The following NFAT5 variants were observed in gnomAD, a reference collection of about 807,000 sequenced individuals.
The protein encoded by NFAT5 is nuclear factor of activated T-cells 5.
In NFAT5, 31 loss-of-function variants were observed where a neutral mutation model predicts 166.5. That is an observed-to-expected ratio of 0.19 (90% CI 0.14 to 0.25). NFAT5 has a LOEUF of 0.25. NFAT5 is among the 10% of genes least tolerant of loss of function. The pLI is 1.00. For missense variants in NFAT5, 1,449 were observed against 1,821.8 expected, an observed-to-expected ratio of 0.80 and a Z score of 3.72; for synonymous variants, 612 against 639.7, an observed-to-expected ratio of 0.96 and a Z score of 0.65.
Position 69,688,202 on chromosome 16 carries a change from C to CAAAAAAAAAAA in NFAT5, c.1775-2724_1775-2714dup, listed in dbSNP as rs1188158260. On this transcript the variant is annotated intron_variant, in intron 11 of 14. Transcript: ENST00000349945. ...TGGGCGACAGAGCGAGACTCCGTCT[C>CAAAAAAAAAAA]AAAAAAAAAAAAAAAAAAAAAAAAC... Among the ~76,000 whole-genome samples, 228 of 49,464 alleles carry CAAAAAAAAAAA rather than the reference C, an allele frequency of 4.6e-3. 9 individuals carry two copies. The highest frequency in any genetic ancestry group is 0.011 in the East Asian group (11 of 1,004). 32.5% of individuals were successfully genotyped at this position (49,464 alleles called of 152,430 possible). A position where few individuals can be genotyped will look rare whatever the true frequency, so the allele number is the denominator to read the frequency against.
At chr16:69,606,031 G>A (rs1324142004) in intron 2 of NFAT5, among the ~76,000 whole-genome samples, 1 of 152,064 alleles carries the variant, frequency 6.6e-6, no homozygotes, top group Non-Finnish European at 1.5e-5. Context: ...TCTTTTAATA[G>A]GAATGTTTTG....
intron 2 of NFAT5, among the ~76,000 whole-genome samples, chr16:69,584,166 C>G (rs972304438): frequency 3.3e-5 from 5 of 152,070 alleles, no homozygotes; most frequent in Non-Finnish European, 7.4e-5. Context: ...GTGGAAGTTG[C>G]AGGGAGCTGA....
At chr16:69,610,046 T>C (rs1481065100) in intron 2 of NFAT5, among the ~76,000 whole-genome samples, 1 of 151,792 alleles carries the variant, frequency 6.6e-6, no homozygotes, top group Non-Finnish European at 1.5e-5. Context: ...TCTTGTTGAG[T>C]TCTTCAGTGT....
At position 69,702,738 on chromosome 16, in the gene NFAT5, TAG is replaced by T. The variant is rs1393339670; in HGVS notation, c.*6390_*6391del. 21 of 152,788 alleles carry T rather than the reference TAG, an allele frequency of 1.4e-4. No individual in the cohort carries two copies. Among genetic ancestry groups the T allele is most frequent in the African/African-American group, 4.1e-4 (17 of 41,596 alleles). The allele number at this position is 152,788 out of a possible 1,614,324, so 9.5% of individuals were successfully genotyped here. A position where few individuals can be genotyped will look rare whatever the true frequency, so the allele number is the denominator to read the frequency against. On this transcript the variant is annotated 3_prime_UTR_variant, in exon 15 of 15. Transcript: ENST00000349945. ...ACTGGGCTAAGACTCTGTTGAGATATAGAGTTTTTCTTCCACTCAGACTGATA... is the reference window on the plus strand; with the variant it reads ...ACTGGGCTAAGACTCTGTTGAGATATAGTTTTTCTTCCACTCAGACTGATA...
chr16:69,581,695 T>C (rs918298647), intron 2 of NFAT5, among the ~76,000 whole-genome samples: 2 of 152,242 alleles, frequency 1.3e-5, no homozygotes, highest in Admixed American at 6.5e-5. Flanking sequence ...ACTAATGACA[T>C]TGAGCATCCT....
intron 2 of NFAT5, among the ~76,000 whole-genome samples, chr16:69,614,788 A>G (rs1338532880): frequency 6.6e-6 from 1 of 151,780 alleles, no homozygotes; most frequent in African/African-American, 2.4e-5. Flanking sequence ...GTTTAGAATT[A>G]TATGTCCATT....
intron 3 of NFAT5, among the ~76,000 whole-genome samples, chr16:69,629,890 TC>T (rs1271803942): frequency 6.7e-6 from 1 of 150,296 alleles, no homozygotes; most frequent in Admixed American, 6.7e-5. Flanking sequence ...CATTTCAGTC[TC>T]CTGAGTAGCT....
chr16:69,619,542 GGATT>G (rs2034109528), intron 2 of NFAT5, among the ~76,000 whole-genome samples: 1 of 152,012 alleles, frequency 6.6e-6, no homozygotes, highest in African/African-American at 2.4e-5. Flanking sequence ...CTACCTCATA[GGATT>G]GATTGTTTTG....
chr16:69,681,310 G>A (rs2037049950), intron 10 of NFAT5, among the ~76,000 whole-genome samples: 1 of 152,190 alleles, frequency 6.6e-6, no homozygotes, highest in African/African-American at 2.4e-5. Context: ...AGTGGTGACT[G>A]TTAATACTAT....
At chr16:69,592,790 A>C (rs1039880636) in intron 2 of NFAT5, among the ~76,000 whole-genome samples, 8 of 152,198 alleles carry the variant, frequency 5.3e-5, no homozygotes, top group African/African-American at 1.9e-4. Context: ...GGATTTAGAT[A>C]TATCCTTTAA....
At chr16:69,583,293 G>T (rs1205220916) in intron 2 of NFAT5, among the ~76,000 whole-genome samples, 1 of 151,804 alleles carries the variant, frequency 6.6e-6, no homozygotes, top group African/African-American at 2.4e-5. Flanking sequence ...TTGAACTCCT[G>T]GGCTAAAGCA....
intron 3 of NFAT5, among the ~76,000 whole-genome samples, chr16:69,629,928 T>G (rs2151586787): frequency 6.6e-6 from 1 of 151,010 alleles, no homozygotes; most frequent in East Asian, 2.0e-4. Context: ...TGCCACCACA[T>G]GGACCTGGGT....
chr16:69,651,476 A>G (rs2151629084), intron 4 of NFAT5, among the ~76,000 whole-genome samples: 1 of 152,240 alleles, frequency 6.6e-6, no homozygotes, highest in East Asian at 1.9e-4. Flanking sequence ...AGGGGTAAAC[A>G]TTAGAGCCAG....
chr16:69,651,924 G>A lies in NFAT5; in HGVS notation c.813-1312G>A, dbSNP rs569477384. Among the ~76,000 whole-genome samples, 145 of 152,030 alleles carry A rather than the reference G, an allele frequency of 9.5e-4. 2 individuals are homozygous for A. The highest frequency in any genetic ancestry group is 3.4e-3 in the African/African-American group (140 of 41,504). ...TGACCTCAGGTGATCCACCCCGCTT[G>A]GCCTCCCAAAGTGCTGGAATTACAG... On this transcript the variant is annotated intron_variant, in intron 4 of 14. Coordinates refer to ENST00000349945, the MANE Select transcript of NFAT5 (RefSeq NM_138713.4).
At chr16:69,661,538 T>TGAAAAAAAAAAA (rs2036140326) in intron 7 of NFAT5, among the ~76,000 whole-genome samples, 1 of 47,120 alleles carries the variant, frequency 2.1e-5, no homozygotes, top group East Asian at 1.7e-3. Flanking sequence ...ACCCAGTCTC[T>TGAAAAAAAAAAA]TAAAAAAAAA....
chr16:69,688,216 A>C (rs957859293), intron 11 of NFAT5, among the ~76,000 whole-genome samples: 8 of 147,230 alleles, frequency 5.4e-5, no homozygotes, highest in Admixed American at 1.4e-4. Context: ...AAAAAAAAAA[A>C]AAAAAAAAAA....
In NFAT5 at chr16:69,697,495, T is replaced by C. The variant is rs1000692222; in HGVS notation, c.*1144T>C. 8 of 152,538 alleles carry C rather than the reference T, an allele frequency of 5.2e-5. No individual in the cohort carries two copies. The highest frequency in any genetic ancestry group is 1.0e-4 in the Non-Finnish European group (7 of 68,038). The allele number at this position is 152,538 out of a possible 1,614,324, so 9.4% of individuals were successfully genotyped here. ...AGGCAAACTAAAATTTCTTGAAATATCACTTCTCCCTGATCTGCAGTGAGT... is the reference window on the plus strand; with the variant it reads ...AGGCAAACTAAAATTTCTTGAAATACCACTTCTCCCTGATCTGCAGTGAGT... On this transcript the variant is annotated 3_prime_UTR_variant, in exon 15 of 15. Coordinates refer to ENST00000349945, the MANE Select transcript of NFAT5 (RefSeq NM_138713.4).
At chr16:69,688,305 G>A (rs1351442802) in intron 11 of NFAT5, among the ~76,000 whole-genome samples, 1 of 151,096 alleles carries the variant, frequency 6.6e-6, no homozygotes, top group Non-Finnish European at 1.5e-5. Flanking sequence ...ATGAATGAGT[G>A]AGTAAATGAA....
rs2037920437 is a variant in NFAT5, at chr16:69,702,763, ATATAGT to A, written c.*6417_*6422del. 2 of 152,626 alleles carry A rather than the reference ATATAGT, an allele frequency of 1.3e-5. No homozygotes were observed. The highest frequency in any genetic ancestry group is 1.3e-4 in the Admixed American group (2 of 15,260). 9.5% of individuals were successfully genotyped at this position (152,626 alleles called of 1,614,324 possible). On this transcript the variant is annotated 3_prime_UTR_variant, in exon 15 of 15. Coordinates refer to ENST00000349945, the MANE Select transcript of NFAT5 (RefSeq NM_138713.4). ...TAGAGTTTTTCTTCCACTCAGACTGATATAGTTATACATTGTTCTTCATGTAAATTC... is the reference window on the plus strand; with the variant it reads ...TAGAGTTTTTCTTCCACTCAGACTGATATACATTGTTCTTCATGTAAATTC...
Sources: allele counts gnomAD v4.1 joint callset (sites outside exome capture counted in the v4.1 genomes callset), GRCh38; gene constraint gnomAD v4.1.1; transcripts MANE v1.5; gene names NCBI Gene and HGNC (gene_info 2026-07-23, HGNC 2026-07-21).